The following PPARGC1B variants were observed in gnomAD, a reference collection of about 807,000 sequenced individuals.
PPARGC1B encodes peroxisome proliferator-activated receptor gamma coactivator 1-beta.
A neutral mutation model predicts 101.6 loss-of-function variants in PPARGC1B; 34 were observed. The observed-to-expected ratio is 0.33, with a 90% CI of 0.25 to 0.45. The LOEUF (loss-of-function observed/expected upper bound fraction) is 0.45. Ranked by LOEUF, PPARGC1B falls within the 20% of genes least tolerant of loss-of-function variation. PPARGC1B has a pLI of 1.00. For missense variants in PPARGC1B, 1,234 were observed against 1,317.6 expected (o/e 0.94, Z 0.98); for synonymous variants, 548 against 539.3 (o/e 1.02, Z -0.22).
intron 1 of PPARGC1B, among the ~76,000 whole-genome samples, chr5:149,799,019 C>G (rs1002725833): frequency 3.3e-5 from 5 of 151,580 alleles, no homozygotes; most frequent in Non-Finnish European, 4.4e-5. Context: ...ATTTGCTAAG[C>G]TCCCACCAAG....
intron 1 of PPARGC1B, among the ~76,000 whole-genome samples, chr5:149,765,633 C>T (rs1047048182): frequency 2.0e-5 from 3 of 151,872 alleles, no homozygotes; most frequent in African/African-American, 4.8e-5. Context: ...CCGAGGCGGG[C>T]GGATCACAAG....
At chr5:149,781,630 ACT>A (rs1008610427) in intron 1 of PPARGC1B, among the ~76,000 whole-genome samples, 2 of 151,850 alleles carry the variant, frequency 1.3e-5, no homozygotes, top group African/African-American at 2.4e-5. Context: ...GGTGGGGGAA[ACT>A]CTTACAGCTC....
chr5:149,840,199 G>T, intron 9 of PPARGC1B, 83 bp downstream of exon 9: 1 of 1,353,670 alleles, frequency 7.4e-7, no homozygotes, highest in Non-Finnish European at 1.0e-6. Context: ...AAAGCCTTTT[G>T]AGGCTGGCTG....
rs1233969743 is a variant in PPARGC1B at position 149,830,881 on chromosome 5, A to G, written c.580A>G (p.Lys194Glu). The G allele has an allele frequency of 2.5e-6, 4 of 1,608,090 alleles. No homozygotes were observed. The African/African-American group carries it at 4.0e-5, about 16-fold the overall frequency. Reference protein sequence around the residue: ...LRSKSQRPCVKADSTQDKKAP... With the variant: ...LRSKSQRPCVEADSTQDKKAP... Reference sequence around the variant, plus strand: ...ATCTAAAAGTCAACGGCCTTGTGTTAAGGTATTTCTTCACATGCCCCCAAA... The same window carrying G: ...ATCTAAAAGTCAACGGCCTTGTGTTGAGGTATTTCTTCACATGCCCCCAAA... Residue 194 changes from lysine to glutamate, a missense_variant and splice_region_variant, in exon 4 of 12, where the codon AAG becomes GAG. Transcript: ENST00000309241.
chr5:149,750,898 G>A (rs569980316), intron 1 of PPARGC1B, among the ~76,000 whole-genome samples: 28 of 152,332 alleles, frequency 1.8e-4, no homozygotes, highest in African/African-American at 6.7e-4. Context: ...CAGGATCTGT[G>A]TACATCCATA....
downstream of PPARGC1B, among the ~76,000 whole-genome samples, chr5:149,856,772 T>C: frequency 1.2e-5 from 1 of 83,202 alleles, no homozygotes; most frequent in Admixed American, 1.1e-4. Context: ...GCTGCTTGGC[T>C]TTTTTTTTTT....
Position 149,832,912 on chromosome 5 carries a change from C to G in PPARGC1B, c.839C>G (p.Ser280Cys). The change falls in exon 5 of 12, where the codon TCC (serine) becomes TGC (cysteine). Residue 280 changes from serine to cysteine, a missense_variant. This residue lies in a region of PPARGC1B where 734 missense variants were observed against 768.4 expected (regional missense o/e 0.96). Coordinates refer to ENST00000309241, the MANE Select transcript of PPARGC1B (RefSeq NM_133263.4). This position sits in a 1 kb window ranked among gnomAD's most constrained non-coding sequence, Gnocchi z 4.9. ...LGRADPGAPV[S>C]QEDMQAMVQL... ...AGGGCAGACCCCGGTGCCCCGGTTTCCCAGGAAGACATGCAGGCGATGGTG... is the reference window on the plus strand; with the variant it reads ...AGGGCAGACCCCGGTGCCCCGGTTTGCCAGGAAGACATGCAGGCGATGGTG... The G allele has an allele frequency of 6.2e-7, 1 of 1,613,176 alleles. No homozygotes were observed. Among genetic ancestry groups the G allele is most frequent in the Non-Finnish European group, 8.5e-7 (1 of 1,180,006 alleles).
chr5:149,735,839 G>T (rs1754684522), intron 1 of PPARGC1B, among the ~76,000 whole-genome samples: 1 of 152,206 alleles, frequency 6.6e-6, no homozygotes, highest in Non-Finnish European at 1.5e-5. Context: ...TAGAGAGAAT[G>T]CAGAGGCCGG....
At chr5:149,806,030 T>C (rs1486362081) in intron 1 of PPARGC1B, among the ~76,000 whole-genome samples, 1 of 152,082 alleles carries the variant, frequency 6.6e-6, no homozygotes, top group African/African-American at 2.4e-5. Flanking sequence ...CTCGGCCTGG[T>C]CATGTGTTGG....
chr5:149,773,086 C>T (rs1756207379), intron 1 of PPARGC1B, among the ~76,000 whole-genome samples: 2 of 152,204 alleles, frequency 1.3e-5, no homozygotes, highest in Admixed American at 1.3e-4. Flanking sequence ...TGCCCGTGTA[C>T]CAGCTCTGCC....
rs921675320 is a variant in PPARGC1B, at chr5:149,854,744, T to C, written c.*7186T>C. ...CTGTCTTACCTTCTAAATGAGAAAATGTTTTCTTGTATTTGTACATTGTCA... is the reference window on the plus strand; with the variant it reads ...CTGTCTTACCTTCTAAATGAGAAAACGTTTTCTTGTATTTGTACATTGTCA... On this transcript the variant is annotated 3_prime_UTR_variant, in exon 12 of 12. Coordinates refer to ENST00000309241, the MANE Select transcript of PPARGC1B (RefSeq NM_133263.4). 2 of 152,214 alleles carry C rather than the reference T, an allele frequency of 1.3e-5. No individual in the cohort carries two copies. Among genetic ancestry groups the C allele is most frequent in the African/African-American group, 2.4e-5 (1 of 41,448 alleles). The allele number at this position is 152,214 out of a possible 1,614,324, so 9.4% of individuals were successfully genotyped here. A position where few individuals can be genotyped will look rare whatever the true frequency, so the allele number is the denominator to read the frequency against.
chr5:149,824,029 T>A (rs141032558), intron 2 of PPARGC1B, among the ~76,000 whole-genome samples: 1 of 152,094 alleles, frequency 6.6e-6, no homozygotes, highest in African/African-American at 2.4e-5. Context: ...ATAGATTTCC[T>A]TGTGAGTGCC....
intron 1 of PPARGC1B, among the ~76,000 whole-genome samples, chr5:149,755,615 G>A (rs200458650): frequency 1.5e-5 from 2 of 137,140 alleles, no homozygotes; most frequent in Non-Finnish European, 3.1e-5. Context: ...TATTATTATT[G>A]TTATTATTAT....
Position 149,730,338 on chromosome 5 carries a change from G to A in PPARGC1B, c.-5G>A, listed in dbSNP as rs764180021. 2 of 1,558,664 alleles carry A rather than the reference G, an allele frequency of 1.3e-6. No individual in the cohort carries two copies. The highest frequency in any genetic ancestry group is 5.0e-5 in the East Asian group (2 of 40,036). ...TCCGCCGCACGCTGCAGCCGCGGCT[G>A]GAAGATGGCGGGGAACGACTGCGGC... On this transcript the variant is annotated 5_prime_UTR_variant, in exon 1 of 12. Coordinates refer to ENST00000309241, the MANE Select transcript of PPARGC1B (RefSeq NM_133263.4). The surrounding 1 kb of genome is among the most constrained non-coding windows in gnomAD (Gnocchi z 4.0).
intron 1 of PPARGC1B, among the ~76,000 whole-genome samples, chr5:149,810,645 A>T (rs1757818009): frequency 6.6e-6 from 1 of 152,238 alleles, no homozygotes; most frequent in Admixed American, 6.5e-5. Context: ...CTTATCATTT[A>T]AAGAGAGATG....
At chr5:149,733,285 A>G (rs546466086) in intron 1 of PPARGC1B, among the ~76,000 whole-genome samples, 6 of 152,194 alleles carry the variant, frequency 3.9e-5, no homozygotes, top group African/African-American at 7.2e-5. Flanking sequence ...TTAGCAGAAC[A>G]AGGATTGCGA....
chr5:149,813,937 G>T (rs570931174), intron 1 of PPARGC1B, among the ~76,000 whole-genome samples: 1 of 152,106 alleles, frequency 6.6e-6, no homozygotes, highest in Non-Finnish European at 1.5e-5. Context: ...ATAAGGGTAC[G>T]CATCCCATTC....
rs1231631546 is a variant in PPARGC1B, at chr5:149,852,309, T to C, written c.*4751T>C. On this transcript the variant is annotated 3_prime_UTR_variant, in exon 12 of 12. Transcript: ENST00000309241. The stretch of plus-strand genomic sequence containing the variant: ...TGTTTCCTCATCTACCAAATGAGAA[T>C]GTTGAATATGAGCATTAAAGTCCCT... 1 of 152,212 alleles carries C rather than the reference T, an allele frequency of 6.6e-6. No individual in the cohort carries two copies. The highest frequency in any genetic ancestry group is 1.5e-5 in the Non-Finnish European group (1 of 68,036). The allele number at this position is 152,212 out of a possible 1,614,324, so 9.4% of individuals were successfully genotyped here.
intron 1 of PPARGC1B, among the ~76,000 whole-genome samples, chr5:149,803,128 T>C (rs559834685): frequency 5.5e-4 from 84 of 152,288 alleles, no homozygotes; most frequent in African/African-American, 2.0e-3. Context: ...CTCTCTGAGG[T>C]TGACCAGTGC....
Sources: allele counts gnomAD v4.1 joint callset (sites outside exome capture counted in the v4.1 genomes callset), GRCh38; gene constraint gnomAD v4.1.1; regional missense constraint gnomAD v4.1.1; non-coding constraint Gnocchi (gnomAD v3.1); transcripts MANE v1.5; gene names NCBI Gene and HGNC (gene_info 2026-07-23, HGNC 2026-07-21).